The following TG variants were observed in gnomAD, a reference collection of about 807,000 sequenced individuals.
TG encodes the protein thyroglobulin.
Under a neutral mutation model 324.7 loss-of-function variants are expected in TG, and 270 were observed. The ratio of observed to expected loss-of-function variants is 0.83; its 90% CI spans 0.75 to 0.92. The LOEUF (loss-of-function observed/expected upper bound fraction) is 0.92. TG is among the 40% of genes least tolerant of loss of function. The pLI is 0.00. For synonymous variants in TG, 1,401 were observed against 1,327.0 expected (o/e 1.06, Z -1.21); for missense variants, 3,591 against 3,456.4 (o/e 1.04, Z -0.98).
At chr8:132,959,108 T>C (rs1172810436) in intron 27 of TG, among the ~76,000 whole-genome samples, 2 of 152,254 alleles carry the variant, frequency 1.3e-5, no homozygotes, top group African/African-American at 4.8e-5. Flanking sequence ...TTTATTCCCA[T>C]TTCAGAAGTA....
At chr8:133,001,966 G>A in intron 35 of TG, 1 of 985,482 alleles carries the variant, frequency 1.0e-6, no homozygotes, top group Non-Finnish European at 1.2e-6. Context: ...TTGATTGCGG[G>A]AAGAAGGGTG....
Position 133,116,666 on chromosome 8 carries a change from C to A in TG, c.7812C>A (p.Ala2604=). The A allele has an allele frequency of 6.2e-7, 1 of 1,614,206 alleles. No individual in the cohort carries two copies. The highest frequency in any genetic ancestry group is 8.5e-7 in the Non-Finnish European group (1 of 1,180,040). The part of the protein sequence containing the change: ...IDMASAWAKR[A]RGNVFMYHAP... ...TGGCCAGTGCCTGGGCAAAGAGGGC[C>A]CGAGGAAACGTCTTCATGTACCATG... The change falls in exon 45 of 48, where the codon GCC becomes GCA. Residue 2604 remains alanine (A), a synonymous_variant. Transcript: ENST00000220616.
At chr8:132,883,850 G>A (rs79351318) in intron 8 of TG, among the ~76,000 whole-genome samples, 13,336 of 152,160 alleles carry the variant, frequency 0.088, 825 homozygotes, top group East Asian at 0.34. Flanking sequence ...CACAAAGTGG[G>A]CATCTGAGAG....
At chr8:133,102,473 A>T (rs1339325589) in intron 43 of TG, 7 of 1,302,668 alleles carry the variant, frequency 5.4e-6, no homozygotes, top group African/African-American at 1.5e-5. Context: ...AGTCCCTCTG[A>T]AGACCCTCCC....
intron 35 of TG, chr8:133,001,927 T>A: frequency 1.0e-6 from 1 of 983,956 alleles, no homozygotes; most frequent in Middle Eastern, 5.2e-4. Context: ...TGATGAGTGC[T>A]GAGCAGCTGA....
chr8:133,046,091 G>T (rs531528313), intron 41 of TG, among the ~76,000 whole-genome samples: 1 of 152,176 alleles, frequency 6.6e-6, no homozygotes, highest in East Asian at 1.9e-4. Context: ...GAGTAGAACC[G>T]CAGCCATGTG....
intron 6 of TG, 139 bp downstream of exon 6, chr8:132,882,108 A>G (rs1310270156): frequency 1.5e-6 from 1 of 673,160 alleles, no homozygotes; most frequent in Non-Finnish European, 2.6e-6. Context: ...TGAGGAGGAC[A>G]CAACCTTAGC....
intron 40 of TG, among the ~76,000 whole-genome samples, chr8:133,023,056 A>G (rs1835699827): frequency 6.6e-6 from 1 of 152,190 alleles, no homozygotes; most frequent in Non-Finnish European, 1.5e-5. Context: ...CAAGGGTCTC[A>G]TTTAAGATCT....
chr8:132,873,683 AGATAATATAAT>A (rs141796268), intron 5 of TG, among the ~76,000 whole-genome samples: 3,250 of 152,342 alleles, frequency 0.021, 127 homozygotes, highest in African/African-American at 0.075. Context: ...TACAAAGCAC[AGATAATATAAT>A]ATAATATGCT....
intron 5 of TG, among the ~76,000 whole-genome samples, chr8:132,875,768 C>G (rs1158797020): frequency 2.0e-5 from 3 of 152,186 alleles, no homozygotes; most frequent in Admixed American, 6.5e-5. Flanking sequence ...AAGCATGTCT[C>G]TGAGTAAATT....
intron 13 of TG, 127 bp from the exon 14 acceptor site, chr8:132,898,671 T>C: frequency 1.3e-6 from 1 of 769,738 alleles, no homozygotes; most frequent in South Asian, 1.5e-5. Flanking sequence ...TCAGAGATTC[T>C]ACCTCTCTAT....
At chr8:133,012,985 G>A (rs1834654560) in intron 36 of TG, among the ~76,000 whole-genome samples, 1 of 152,212 alleles carries the variant, frequency 6.6e-6, no homozygotes, top group Non-Finnish European at 1.5e-5. Flanking sequence ...AGCTGAGGAG[G>A]CATTGAAGAA....
chr8:132,900,458 C>A (rs534065082), intron 15 of TG, 119 bp downstream of exon 15: 17 of 896,514 alleles, frequency 1.9e-5, no homozygotes, highest in East Asian at 1.6e-4. Context: ...GGGGGCACAG[C>A]TGCTGACCTC....
Position 132,898,134 on chromosome 8 carries a change from A to G in TG, c.3140-35A>G, listed in dbSNP as rs201897776. 1.7e-5 allele frequency: 26 copies of G among 1,566,588 alleles called. No individual in the cohort carries two copies. In the East Asian group the frequency reaches 5.9e-4, roughly 36 times the overall value. On this transcript the variant is annotated intron_variant, in intron 12 of 47. Coordinates refer to ENST00000220616, the MANE Select transcript of TG (RefSeq NM_003235.5). ...ACACTCCAGGGTAAGTCCCTAGTGC[A>G]ATTCCTGAATGTTCTCCCCTTGGCT... is the stretch of plus-strand genomic sequence containing the variant.
chr8:133,113,013 A>T (rs1189859300), intron 43 of TG, among the ~76,000 whole-genome samples: 1 of 152,194 alleles, frequency 6.6e-6, no homozygotes. Context: ...AGCTCTCCTA[A>T]CATGACCAGA....
chr8:132,971,787 A>G lies in TG; in HGVS notation c.5976-7A>G, dbSNP rs371642125. 9.9e-6 allele frequency: 16 copies of G among 1,609,652 alleles called. No individual in the cohort carries two copies. Among genetic ancestry groups the G allele is most frequent in the African/African-American group, 9.3e-5 (7 of 74,912 alleles). Reference sequence around the variant, plus strand: ...CTTCAGGCCTGCTCTTTCTCTTCCTATGCCAGGTTCTTTGAATGTGAACGA... The same window carrying G: ...CTTCAGGCCTGCTCTTTCTCTTCCTGTGCCAGGTTCTTTGAATGTGAACGA... On this transcript the variant is annotated splice_region_variant and splice_polypyrimidine_tract_variant and intron_variant, in intron 32 of 47. Transcript: ENST00000220616.
In TG at chr8:133,019,673, A is replaced by C; in HGVS notation, c.6854A>C (p.Asn2285Thr). 2.5e-6 allele frequency: 4 copies of C among 1,613,106 alleles called. No homozygotes were observed. Among genetic ancestry groups the C allele is most frequent in the Non-Finnish European group, 3.4e-6 (4 of 1,179,384 alleles). ...PGVSEDCLYL[N>T]VFIPQNVAPN... Reference sequence around the variant, plus strand: ...GTCAGTGAAGATTGTTTGTATCTCAATGTGTTCATCCCTCAGAATGTGGTG... The same window carrying C: ...GTCAGTGAAGATTGTTTGTATCTCACTGTGTTCATCCCTCAGAATGTGGTG... The change falls in exon 39 of 48, where the codon AAT becomes ACT. Residue 2285 changes from asparagine to threonine, a missense_variant. Transcript: ENST00000220616.
intron 40 of TG, among the ~76,000 whole-genome samples, chr8:133,024,326 CTTT>C (rs1564084150): frequency 1.5e-4 from 13 of 84,170 alleles, no homozygotes; most frequent in Admixed American, 4.5e-4. Context: ...TTCTTTCTTT[CTTT>C]CTTTCTTTCT....
intron 29 of TG, among the ~76,000 whole-genome samples, chr8:132,963,335 C>T (rs1012131127): frequency 6.6e-6 from 1 of 152,134 alleles, no homozygotes; most frequent in Non-Finnish European, 1.5e-5. Flanking sequence ...AATAATAAAA[C>T]CTGAAAAAAG....
Sources: allele counts gnomAD v4.1 joint callset (sites outside exome capture counted in the v4.1 genomes callset), GRCh38; gene constraint gnomAD v4.1.1; transcripts MANE v1.5; gene names NCBI Gene and HGNC (gene_info 2026-07-23, HGNC 2026-07-21).